The following AKAP19 variants were observed in gnomAD, a reference collection of about 807,000 sequenced individuals.
AKAP19 encodes A-kinase anchoring protein 19, also known as small A-kinase anchoring protein.
chr2:189,977,664 A>G, the AKAP19 span, among the ~76,000 whole-genome samples: 7 of 152,248 alleles, frequency 4.6e-5, no homozygotes, highest in Non-Finnish European at 8.8e-5. Context: ...ATTTAAAACT[A>G]TAAAACAAGA....
At chr2:190,012,647 T>C in the AKAP19 span, among the ~76,000 whole-genome samples, 1 of 152,200 alleles carries the variant, frequency 6.6e-6, no homozygotes, top group Admixed American at 6.5e-5. Context: ...CAGTACAATA[T>C]TGAATAGAAA....
At chr2:190,097,803 A>T in the AKAP19 span, among the ~76,000 whole-genome samples, 3 of 142,448 alleles carry the variant, frequency 2.1e-5, no homozygotes, top group Non-Finnish European at 4.5e-5. Context: ...TGAGAGGATC[A>T]CTTGAGCCCA....
At chr2:190,187,806 A>G in the AKAP19 span, among the ~76,000 whole-genome samples, 6 of 152,208 alleles carry the variant, frequency 3.9e-5, no homozygotes, top group African/African-American at 9.6e-5. Context: ...GTGAGCCACA[A>G]CTGGCCACTG....
chr2:190,083,959 A>C, the AKAP19 span, among the ~76,000 whole-genome samples: 57,951 of 151,992 alleles, frequency 0.38, 12,997 homozygotes, highest in South Asian at 0.64. Flanking sequence ...GAGACTCCGA[A>C]GCCTATTTTC....
chr2:190,009,987 A>G, the AKAP19 span, among the ~76,000 whole-genome samples: 6 of 152,222 alleles, frequency 3.9e-5, no homozygotes, highest in Admixed American at 2.6e-4. Context: ...TGCTGTTGCA[A>G]AAAAAGAGCA....
the AKAP19 span, among the ~76,000 whole-genome samples, chr2:190,005,463 C>G: frequency 6.6e-6 from 1 of 152,204 alleles, no homozygotes; most frequent in Non-Finnish European, 1.5e-5. Context: ...CTCCAAGTCC[C>G]CACTGGACCC....
chr2:189,961,622 A>G, the AKAP19 span, among the ~76,000 whole-genome samples: 1 of 152,062 alleles, frequency 6.6e-6, no homozygotes, highest in Non-Finnish European at 1.5e-5. Flanking sequence ...ACCTTAAAGT[A>G]TCAGACTCGG....
the AKAP19 span, chr2:189,930,904 G>A: frequency 4.2e-6 from 3 of 718,666 alleles, no homozygotes; most frequent in East Asian, 2.6e-5. Flanking sequence ...ATATGGCAGC[G>A]GCTCCTGATA....
chr2:190,188,315 T>G, the AKAP19 span, among the ~76,000 whole-genome samples: 1 of 152,198 alleles, frequency 6.6e-6, no homozygotes, highest in Non-Finnish European at 1.5e-5. Flanking sequence ...TATAAAAGAT[T>G]GATTTAAATA....
chr2:190,057,538 C>A, the AKAP19 span: 1 of 1,613,482 alleles, frequency 6.2e-7, no homozygotes, highest in South Asian at 1.1e-5. Flanking sequence ...TAGAGGGTAA[C>A]GACAGCATCG....
At chr2:190,084,084 G>A in the AKAP19 span, among the ~76,000 whole-genome samples, 2 of 142,264 alleles carry the variant, frequency 1.4e-5, no homozygotes, top group South Asian at 4.5e-4. Flanking sequence ...CTGGAGTAGA[G>A]CTCAGGTTTT....
At chr2:189,921,309 TGAAA>T in the AKAP19 span, among the ~76,000 whole-genome samples, 1 of 152,148 alleles carries the variant, frequency 6.6e-6, no homozygotes, top group East Asian at 1.9e-4. Context: ...TCATAGAAGT[TGAAA>T]GAAGAAATTA....
the AKAP19 span, among the ~76,000 whole-genome samples, chr2:190,072,854 A>G: frequency 6.9e-4 from 105 of 152,336 alleles, no homozygotes; most frequent in African/African-American, 2.4e-3. Context: ...TGCTGTGTTT[A>G]GCAGATATTC....
At chr2:190,129,450 G>A in the AKAP19 span, among the ~76,000 whole-genome samples, 1 of 152,264 alleles carries the variant, frequency 6.6e-6, no homozygotes, top group Non-Finnish European at 1.5e-5. Context: ...TACTTGCCAT[G>A]TGCCCTGATT....
chr2:190,175,553 G>T, the AKAP19 span, among the ~76,000 whole-genome samples: 1 of 152,180 alleles, frequency 6.6e-6, no homozygotes, highest in Non-Finnish European at 1.5e-5. Context: ...ACCAGAATGG[G>T]TCTAGAGCAG....
At chr2:190,191,759 G>C in the AKAP19 span, among the ~76,000 whole-genome samples, 1 of 152,126 alleles carries the variant, frequency 6.6e-6, no homozygotes, top group Non-Finnish European at 1.5e-5. Flanking sequence ...GCTATCTATA[G>C]GTGGTACCAA....
At chr2:190,107,148 G>A in the AKAP19 span, among the ~76,000 whole-genome samples, 1 of 152,166 alleles carries the variant, frequency 6.6e-6, no homozygotes, top group African/African-American at 2.4e-5. Flanking sequence ...TTATTACTCA[G>A]TATCTAAAAT....
the AKAP19 span, chr2:190,079,121 AC>A: frequency 6.6e-6 from 1 of 152,086 alleles, no homozygotes. Flanking sequence ...TCTATTTTAC[AC>A]CCCTTTTGGG....
chr2:189,963,199 C>CTTTTTTTTT, the AKAP19 span, among the ~76,000 whole-genome samples: 2,291 of 136,770 alleles, frequency 0.017, 139 homozygotes, highest in African/African-American at 0.06. Context: ...CTTCACTTCT[C>CTTTTTTTTT]TTTTTTTTTT....
Sources: gnomAD v4.1 joint callset for allele counts (sites outside exome capture counted in the v4.1 genomes callset) on GRCh38, gnomAD v4.1.1 for gene constraint, MANE v1.5 for transcripts, NCBI Gene and HGNC (gene_info 2026-07-23, HGNC 2026-07-21) for gene names.